Variants in GRM3 observed in about 807,000 individuals in gnomAD.
The protein encoded by GRM3 is metabotropic glutamate receptor 3.
Under a neutral mutation model 70.5 loss-of-function variants are expected in GRM3, and 26 were observed. That is an observed-to-expected ratio of 0.37 (90% CI 0.27 to 0.51). The LOEUF (loss-of-function observed/expected upper bound fraction) is 0.51, where lower values mean the gene tolerates loss of function less well. Among genes scored for constraint, GRM3 ranks in the 20% least tolerant of loss-of-function variants. The probability of loss-of-function intolerance (pLI) is 0.93; values close to 1 mark genes in which losing one functional copy is unlikely to be tolerated. For missense variants in GRM3, 859 were observed against 1,123.8 expected, an observed-to-expected ratio of 0.76 and a Z score of 3.37; for synonymous variants, 443 against 434.9, an observed-to-expected ratio of 1.02 and a Z score of -0.23.
At chr7:86,751,424 T>C (rs1191333637) in intron 1 of GRM3, among the ~76,000 whole-genome samples, 2 of 152,140 alleles carry the variant, frequency 1.3e-5, no homozygotes, top group African/African-American at 4.8e-5. Flanking sequence ...GCTCCTTGTA[T>C]CTTTAGAACC....
intron 1 of GRM3, among the ~76,000 whole-genome samples, chr7:86,646,607 A>G (rs1793478612): frequency 6.6e-6 from 1 of 151,888 alleles, no homozygotes; most frequent in Admixed American, 6.5e-5. Context: ...TCCTGCCCCT[A>G]GATACTATAT....
chr7:86,806,290 T>A (rs1038830185), intron 3 of GRM3, among the ~76,000 whole-genome samples: 6 of 152,154 alleles, frequency 3.9e-5, no homozygotes, highest in African/African-American at 1.2e-4. Context: ...GGTCAAATGG[T>A]ATTTCTAGTT....
At chr7:86,732,065 G>A (rs1269915996) in intron 1 of GRM3, among the ~76,000 whole-genome samples, 2 of 152,060 alleles carry the variant, frequency 1.3e-5, no homozygotes, top group African/African-American at 4.8e-5. Flanking sequence ...ATTTCTAATA[G>A]CTACTTTAAC....
rs112618819 is a variant in GRM3 at position 86,714,125 on chromosome 7, T to C, written c.-140-50881T>C. The stretch of plus-strand genomic sequence containing the variant: ...CCCTTACTGCTGCTCTTCCTACCAA[T>C]GTCTGGCATCATTCTCATGCTCTCC... On this transcript the variant is annotated intron_variant, in intron 1 of 5. Transcript: ENST00000361669. Among the ~76,000 whole-genome samples the C allele has an allele frequency of 9.7e-3, 1,469 of 152,152 alleles. 20 individuals carry two copies. The highest frequency in any genetic ancestry group is 0.034 in the African/African-American group (1,397 of 41,544).
intron 1 of GRM3, among the ~76,000 whole-genome samples, chr7:86,735,346 T>TG (rs1795833967): frequency 6.6e-6 from 1 of 152,106 alleles, no homozygotes; most frequent in African/African-American, 2.4e-5. Context: ...AGTAGAAATT[T>TG]TTGAAGTCAG....
At chr7:86,822,342 A>T (rs944941161) in intron 3 of GRM3, among the ~76,000 whole-genome samples, 1 of 152,150 alleles carries the variant, frequency 6.6e-6, no homozygotes, top group Non-Finnish European at 1.5e-5. Flanking sequence ...TACAGAAAAA[A>T]ATATATAATG....
intron 1 of GRM3, among the ~76,000 whole-genome samples, chr7:86,756,712 T>C (rs1400177201): frequency 6.6e-6 from 1 of 152,148 alleles, no homozygotes; most frequent in Non-Finnish European, 1.5e-5. Context: ...TGCTTGAGAA[T>C]TGCTGAGCTC....
chr7:86,776,793 T>A (rs1486349602), intron 2 of GRM3, among the ~76,000 whole-genome samples: 1 of 152,196 alleles, frequency 6.6e-6, no homozygotes. Flanking sequence ...GGTCTTTTGA[T>A]GTCAAGTCAC....
At chr7:86,654,900 A>G (rs1252802004) in intron 1 of GRM3, among the ~76,000 whole-genome samples, 1 of 152,212 alleles carries the variant, frequency 6.6e-6, no homozygotes, top group Non-Finnish European at 1.5e-5. Context: ...CACTAAATAG[A>G]CAATAAACAA....
intron 5 of GRM3, among the ~76,000 whole-genome samples, chr7:86,858,973 T>C (rs1306312911): frequency 1.3e-5 from 2 of 152,220 alleles, no homozygotes; most frequent in Non-Finnish European, 2.9e-5. Flanking sequence ...TTTTTCTTTT[T>C]TCTTGTTTTT....
At chr7:86,695,938 C>G (rs1794804763) in intron 1 of GRM3, among the ~76,000 whole-genome samples, 1 of 152,100 alleles carries the variant, frequency 6.6e-6, no homozygotes, top group Non-Finnish European at 1.5e-5. Flanking sequence ...AATATATTAT[C>G]TGGAAAGGTA....
At chr7:86,784,112 A>G (rs578020179) in intron 2 of GRM3, 1 of 152,244 alleles carries the variant, frequency 6.6e-6, no homozygotes, top group Admixed American at 6.5e-5. Flanking sequence ...CTGTTATTCT[A>G]TGGCTAGTTC....
chr7:86,761,821 G>C (rs554071984), intron 1 of GRM3, among the ~76,000 whole-genome samples: 27 of 152,146 alleles, frequency 1.8e-4, no homozygotes, highest in Non-Finnish European at 3.2e-4. Context: ...GATCCAGTTT[G>C]GACAGGAGAG....
rs78022433 is a variant in GRM3, at chr7:86,809,663, C to A, written c.1324+22547C>A. Among the ~76,000 whole-genome samples, 736 of 152,098 alleles carry A rather than the reference C, an allele frequency of 4.8e-3. 5 individuals carry two copies. The highest frequency in any genetic ancestry group is 0.017 in the African/African-American group (699 of 41,516). On this transcript the variant is annotated intron_variant, in intron 3 of 5. Coordinates refer to ENST00000361669, the MANE Select transcript of GRM3 (RefSeq NM_000840.3). ...CATTTCACAACAATTATTGAAGCAT[C>A]ATTCTTATGTCAGACATTGGGAAGA... is the stretch of plus-strand genomic sequence containing the variant.
chr7:86,844,979 T>C (rs948538183), intron 4 of GRM3, among the ~76,000 whole-genome samples: 1 of 152,102 alleles, frequency 6.6e-6, no homozygotes, highest in Non-Finnish European at 1.5e-5. Flanking sequence ...AACCTCTGCC[T>C]CCTGGATTCA....
chr7:86,827,204 G>T (rs1324909605), intron 3 of GRM3, among the ~76,000 whole-genome samples: 1 of 152,100 alleles, frequency 6.6e-6, no homozygotes, highest in Admixed American at 6.6e-5. Context: ...CTTCTGAAAT[G>T]TTTTTCAGTA....
intron 2 of GRM3, among the ~76,000 whole-genome samples, chr7:86,766,281 T>G (rs769723178): frequency 4.6e-5 from 7 of 151,996 alleles, no homozygotes; most frequent in Non-Finnish European, 1.0e-4. Flanking sequence ...CCCACTAATT[T>G]TTACTAAAGC....
chr7:86,806,580 A>G (rs1432748709), intron 3 of GRM3, among the ~76,000 whole-genome samples: 1 of 152,024 alleles, frequency 6.6e-6, no homozygotes, highest in Non-Finnish European at 1.5e-5. Context: ...TCCTTCACCC[A>G]CTTTTTGATG....
At chr7:86,668,932 G>A (rs79815293) in intron 1 of GRM3, among the ~76,000 whole-genome samples, 1 of 152,192 alleles carries the variant, frequency 6.6e-6, no homozygotes, top group East Asian at 1.9e-4. Context: ...CTCCTGCTAG[G>A]GTTTGCTTTC....
Sources: allele counts gnomAD v4.1 joint callset (sites outside exome capture counted in the v4.1 genomes callset), GRCh38; gene constraint gnomAD v4.1.1; transcripts MANE v1.5; gene names NCBI Gene and HGNC (gene_info 2026-07-23, HGNC 2026-07-21).